SCARB1: variants seen among roughly 807,000 people sequenced by gnomAD.
SCARB1 encodes the protein CD36 and LIMPII analogous 1.
A neutral mutation model predicts 57.2 loss-of-function variants in SCARB1; 30 were observed. That is an observed-to-expected ratio of 0.52 (90% confidence interval 0.39 to 0.71). The LOEUF (loss-of-function observed/expected upper bound fraction) is 0.71. Ranked by LOEUF, SCARB1 falls within the 30% of genes least tolerant of loss-of-function variation. SCARB1 has a pLI of 0.00. For synonymous variants in SCARB1, 249 were observed against 268.3 expected (o/e 0.93, Z 0.70); for missense variants, 543 against 671.2 (o/e 0.81, Z 2.11).
rs759369435 is a variant in SCARB1, at chr12:124,810,929, G to A, written c.727-640C>T. ...GGTGATTTTTGCCACTCTGGGCACC[G>A]GTTGGGGTACGATTTGTCCCTAGCC... On this transcript the variant is annotated intron_variant, in intron 5 of 12. Coordinates refer to ENST00000261693, the MANE Select transcript of SCARB1 (RefSeq NM_005505.5). The surrounding 1 kb of genome is among the most constrained non-coding windows in gnomAD (Gnocchi z 4.0). Among the ~76,000 whole-genome samples the A allele has an allele frequency of 2.0e-4, 31 of 152,226 alleles. No individual in the cohort carries two copies. Among genetic ancestry groups the A allele is most frequent in the Non-Finnish European group, 3.8e-4 (26 of 68,042 alleles).
At chr12:124,843,331 A>T (rs904224339) in intron 1 of SCARB1, among the ~76,000 whole-genome samples, 2 of 148,832 alleles carry the variant, frequency 1.3e-5, no homozygotes, top group Non-Finnish European at 1.5e-5. Flanking sequence ...CTGGTCTTGA[A>T]CTCCTGGCCT....
At chr12:124,844,527 G>A (rs1405346787) in intron 1 of SCARB1, among the ~76,000 whole-genome samples, 4 of 152,198 alleles carry the variant, frequency 2.6e-5, no homozygotes, top group South Asian at 2.1e-4. Flanking sequence ...CTGTATTGGC[G>A]CGGGGGGCAG....
At chr12:124,794,672 T>C (rs1168277039) in intron 9 of SCARB1, among the ~76,000 whole-genome samples, 4 of 152,194 alleles carry the variant, frequency 2.6e-5, no homozygotes, top group African/African-American at 9.6e-5. Flanking sequence ...GGCTCACGCC[T>C]GCAATCCCAG....
At chr12:124,786,083 C>T (rs1949502404) in intron 11 of SCARB1, 2 of 1,528,754 alleles carry the variant, frequency 1.3e-6, no homozygotes, top group South Asian at 2.4e-5. Context: ...ATGCAAGTAC[C>T]AGGTCTCATT....
At position 124,807,953 on chromosome 12, in the gene SCARB1, G is replaced by A. The variant is rs762054376; in HGVS notation, c.843-26C>T. On this transcript the variant is annotated intron_variant, in intron 6 of 12. Coordinates refer to ENST00000261693, the MANE Select transcript of SCARB1 (RefSeq NM_005505.5). This position sits in a 1 kb window ranked among gnomAD's most constrained non-coding sequence, Gnocchi z 5.3. Reference sequence around the variant, plus strand: ...CTGCAGGGGACAGACAGGATGAGAGGGGACACCCAGACCCGGCGGCCAGAG... The same window carrying A: ...CTGCAGGGGACAGACAGGATGAGAGAGGACACCCAGACCCGGCGGCCAGAG... 11 of 1,612,638 alleles carry A rather than the reference G, an allele frequency of 6.8e-6. No homozygotes were observed. In the African/African-American group the frequency reaches 9.4e-5, roughly 14 times the overall value.
intron 1 of SCARB1, among the ~76,000 whole-genome samples, chr12:124,837,458 G>GAAAGAAAGAAA (rs1566230877): frequency 1.7e-5 from 1 of 59,792 alleles, no homozygotes; most frequent in African/African-American, 5.9e-5. Context: ...AAAGAAAGAA[G>GAAAGAAAGAAA]GAAAGAAAGA....
chr12:124,819,256 T>G (rs74616051), intron 1 of SCARB1, among the ~76,000 whole-genome samples: 3 of 152,146 alleles, frequency 2.0e-5, no homozygotes, highest in South Asian at 4.2e-4. Context: ...CAGGGGACAT[T>G]CCACAGCAAC....
chr12:124,812,050 C>T lies in SCARB1; in HGVS notation c.631-85G>A. 2.0e-6 allele frequency: 2 copies of T among 1,012,324 alleles called. No individual in the cohort carries two copies. Among genetic ancestry groups the T allele is most frequent in the Non-Finnish European group, 3.0e-6 (2 of 656,060 alleles). The allele number at this position is 1,012,324 out of a possible 1,614,324, so 62.7% of individuals were successfully genotyped here. On this transcript the variant is annotated intron_variant, in intron 4 of 12. Transcript: ENST00000261693. This position sits in a 1 kb window ranked among gnomAD's most constrained non-coding sequence, Gnocchi z 4.3. ...TCTGAACATTCTGGGCTGAGCCCTC[C>T]TCCCCCTCCACCAGAAGGACAGGGC...
rs756886438 is a variant in SCARB1, at chr12:124,807,878, T to A, written c.892A>T (p.Thr298Ser). The change falls in exon 7 of 13, where the codon ACC becomes TCC. Residue 298 changes from threonine (T) to serine (S), a missense_variant. Coordinates refer to ENST00000261693, the MANE Select transcript of SCARB1 (RefSeq NM_005505.5). This position sits in a 1 kb window ranked among gnomAD's most constrained non-coding sequence, Gnocchi z 5.3. ...KESGVFEGIP[T>S]YRFVAPKTLF... ...GTTTTGGGAGCCACGAAGCGATAGGTGGGGATGCCTTCAAACACCCCTGAC... is the reference window on the plus strand; with the variant it reads ...GTTTTGGGAGCCACGAAGCGATAGGAGGGGATGCCTTCAAACACCCCTGAC... 5.0e-6 allele frequency: 8 copies of A among 1,613,872 alleles called. No individual in the cohort carries two copies. The African/African-American group carries it at 1.1e-4, about 22-fold the overall frequency.
intron 1 of SCARB1, among the ~76,000 whole-genome samples, chr12:124,850,953 C>T (rs1952375129): frequency 1.3e-5 from 2 of 152,178 alleles, no homozygotes; most frequent in Non-Finnish European, 2.9e-5. Flanking sequence ...ACCTGAGTCT[C>T]TGTGGGCAAG....
intron 1 of SCARB1, among the ~76,000 whole-genome samples, chr12:124,846,521 C>T (rs1952159559): frequency 6.6e-6 from 1 of 151,996 alleles, no homozygotes; most frequent in African/African-American, 2.4e-5. Flanking sequence ...GAGGCCGAGG[C>T]AGGCGGATCA....
chr12:124,779,598 G>A (rs1187175068), intron 12 of SCARB1, among the ~76,000 whole-genome samples: 1 of 152,212 alleles, frequency 6.6e-6, no homozygotes, highest in Non-Finnish European at 1.5e-5. Flanking sequence ...ACTGGATACT[G>A]TCATTTGTCT....
intron 7 of SCARB1, among the ~76,000 whole-genome samples, chr12:124,804,655 G>A (rs768616341): frequency 5.3e-5 from 8 of 152,198 alleles, no homozygotes; most frequent in Non-Finnish European, 7.3e-5. Context: ...AGACAGCAGC[G>A]GGCGTCCCAG....
Position 124,810,170 on chromosome 12 carries a change from T to C in SCARB1, c.842+4A>G. On this transcript the variant is annotated splice_donor_region_variant and intron_variant, in intron 6 of 12. Transcript: ENST00000261693. The surrounding 1 kb of genome is among the most constrained non-coding windows in gnomAD (Gnocchi z 4.0). Reference sequence around the variant, plus strand: ...CCCAGGAGGCCCCGAGTCCCAGTGATTACCGGCAGGCCTCCGGGCTGTAGA... The same window carrying C: ...CCCAGGAGGCCCCGAGTCCCAGTGACTACCGGCAGGCCTCCGGGCTGTAGA... The C allele has an allele frequency of 6.2e-7, 1 of 1,605,516 alleles. No homozygotes were observed. The highest frequency in any genetic ancestry group is 8.5e-7 in the Non-Finnish European group (1 of 1,172,340).
chr12:124,857,022 A>G (rs542259271), intron 1 of SCARB1, among the ~76,000 whole-genome samples: 161 of 152,296 alleles, frequency 1.1e-3, no homozygotes, highest in African/African-American at 3.8e-3. Flanking sequence ...ATGCACAGAA[A>G]AGGAAGGGGC....
intron 6 of SCARB1, among the ~76,000 whole-genome samples, chr12:124,809,900 C>T (rs2135654127): frequency 6.6e-6 from 1 of 152,296 alleles, no homozygotes; most frequent in South Asian, 2.1e-4. Context: ...ATTTTATGGC[C>T]CCCTGTGACT....
intron 1 of SCARB1, among the ~76,000 whole-genome samples, chr12:124,840,818 C>T (rs890424865): frequency 4.6e-5 from 7 of 152,152 alleles, no homozygotes; most frequent in South Asian, 2.1e-4. Flanking sequence ...TCTGCCTCCC[C>T]GCTTCCAGCC....
Position 124,836,792 on chromosome 12 carries a change from T to G in SCARB1, c.127-19085A>C, listed in dbSNP as rs557306295. Among the ~76,000 whole-genome samples the G allele has an allele frequency of 7.4e-4, 113 of 152,288 alleles. 2 individuals are homozygous for G. Among genetic ancestry groups the G allele is most frequent in the Non-Finnish European group, 1.0e-3 (71 of 68,036 alleles). The stretch of plus-strand genomic sequence containing the variant: ...CTGGGTGACAGAGCAAGACCCTGTC[T>G]CAAAATAAAATGAAATAAAATAAAA... On this transcript the variant is annotated intron_variant, in intron 1 of 12. Coordinates refer to ENST00000261693, the MANE Select transcript of SCARB1 (RefSeq NM_005505.5).
intron 1 of SCARB1, among the ~76,000 whole-genome samples, chr12:124,856,129 C>G (rs964720230): frequency 6.6e-6 from 1 of 152,214 alleles, no homozygotes; most frequent in Admixed American, 6.5e-5. Flanking sequence ...CTGGGCCTGG[C>G]CCCAGAAAGG....
Sources: gnomAD v4.1 joint callset for allele counts (sites outside exome capture counted in the v4.1 genomes callset) on GRCh38, gnomAD v4.1.1 for gene constraint, Gnocchi (gnomAD v3.1) non-coding constraint, MANE v1.5 for transcripts, NCBI Gene and HGNC (gene_info 2026-07-23, HGNC 2026-07-21) for gene names.